The following TFAP2B variants were observed in gnomAD, a reference collection of about 807,000 sequenced individuals.
TFAP2B encodes the protein transcription factor AP-2 beta.
TFAP2B carries 9 observed loss-of-function variants against 44.3 expected under a neutral mutation model. That is an observed-to-expected ratio of 0.20 (90% CI 0.12 to 0.35). The LOEUF (loss-of-function observed/expected upper bound fraction) is 0.35, where lower values mean the gene tolerates loss of function less well. TFAP2B is among the 10% of genes least tolerant of loss of function. The pLI is 1.00. For missense variants in TFAP2B, 509 were observed against 600.0 expected (o/e 0.85, Z 1.59); for synonymous variants, 270 against 263.8 (o/e 1.02, Z -0.23).
At chr6:50,828,789 GT>G in intron 3 of TFAP2B, 110 bp downstream of exon 3, 2 of 1,310,026 alleles carry the variant, frequency 1.5e-6, no homozygotes, top group Non-Finnish European at 2.2e-6. Context: ...ATAAATGTTT[GT>G]TCACAATTAT....
chr6:50,819,119 G>A, intron 1 of TFAP2B, 147 bp downstream of exon 1: 1 of 767,406 alleles, frequency 1.3e-6, no homozygotes, highest in Non-Finnish European at 2.2e-6. Flanking sequence ...TAGAAAAGCT[G>A]GCTAGGGAAG....
chr6:50,829,566 C>T (rs912964514), intron 3 of TFAP2B, among the ~76,000 whole-genome samples: 5 of 152,136 alleles, frequency 3.3e-5, no homozygotes, highest in East Asian at 1.9e-4. Context: ...TGGCATTTGA[C>T]GATACAATTT....
chr6:50,835,912 C>T (rs1007992666), intron 3 of TFAP2B, 149 bp from the exon 4 acceptor site: 20 of 761,140 alleles, frequency 2.6e-5, no homozygotes, highest in Middle Eastern at 6.9e-4. Flanking sequence ...GCTCTCTGAA[C>T]GCACTGCAGC....
upstream of TFAP2B, chr6:50,818,792 GA>G (rs1341008357): frequency 9.5e-7 from 1 of 1,050,214 alleles, no homozygotes; most frequent in African/African-American, 1.6e-5. Flanking sequence ...TGCGATGGGA[GA>G]GGAGCGTCGG....
chr6:50,838,263 G>C (rs574416859), intron 5 of TFAP2B, among the ~76,000 whole-genome samples, 170 bp downstream of exon 5: 1 of 152,178 alleles, frequency 6.6e-6, no homozygotes, highest in Non-Finnish European at 1.5e-5. Context: ...TTTACTTAGA[G>C]GAAGCCAGCA....
Position 50,828,632 on chromosome 6 carries a change from C to A in TFAP2B, c.554C>A (p.Ala185Asp). Residue 185 changes from alanine to aspartate, a missense_variant, in exon 3 of 7, where the codon GCC becomes GAC. Physicochemically the swap from Ala to Asp is moderately radical, Grantham distance 126. This residue lies in a region of TFAP2B where 296 missense variants were observed against 308.2 expected (regional missense o/e 0.96). Transcript: ENST00000393655. Reference protein sequence around the residue: ...GMEDVQSVEDANNSGMNLLDQ... With the variant: ...GMEDVQSVEDDNNSGMNLLDQ... The stretch of plus-strand genomic sequence containing the variant: ...TTATATTCACAGTCAGTTGAAGATG[C>A]CAATAACAGCGGCATGAATCTATTG... 6.2e-7 allele frequency: 1 copy of A among 1,613,826 alleles called. No homozygotes were observed.
chr6:50,831,284 G>A (rs1028211583), intron 3 of TFAP2B, among the ~76,000 whole-genome samples: 1 of 152,200 alleles, frequency 6.6e-6, no homozygotes. Context: ...AAGGTAGCCA[G>A]CGTGATAAAT....
chr6:50,840,202 G>T lies in TFAP2B; in HGVS notation c.987G>T (p.Thr329=), dbSNP rs1173675189. 1 of 1,614,130 alleles carries T rather than the reference G, an allele frequency of 6.2e-7. No individual in the cohort carries two copies. Among genetic ancestry groups the T allele is most frequent in the South Asian group, 1.1e-5 (1 of 91,082 alleles). Residue 329 remains threonine (T), a synonymous_variant, in exon 6 of 7, where the codon ACG becomes ACT. Coordinates refer to ENST00000393655, the MANE Select transcript of TFAP2B (RefSeq NM_003221.4). ...LARDFGYICE[T]EFPAKAVSEY... ...GGGATTTTGGGTACATTTGCGAAAC[G>T]GAGTTTCCCGCCAAAGCCGTCTCTG...
At chr6:50,824,013 TG>T (rs1770435973) in intron 2 of TFAP2B, 148 bp downstream of exon 2, 3 of 881,522 alleles carry the variant, frequency 3.4e-6, no homozygotes, top group South Asian at 1.5e-5. Context: ...CATATAGAAC[TG>T]TTTATGTGTG....
chr6:50,842,561 G>A (rs1762753342), intron 6 of TFAP2B, among the ~76,000 whole-genome samples: 1 of 152,170 alleles, frequency 6.6e-6, no homozygotes, highest in Middle Eastern at 3.2e-3. Flanking sequence ...GCTTTGAATG[G>A]AATCAGCATT....
chr6:50,841,048 AT>A, intron 6 of TFAP2B, among the ~76,000 whole-genome samples: 1 of 152,364 alleles, frequency 6.6e-6, no homozygotes, highest in Admixed American at 6.5e-5. Flanking sequence ...TTAAAGAAAT[AT>A]ATGGAAGGCT....
At position 50,818,950 on chromosome 6, in the gene TFAP2B, T is replaced by A. The variant is rs140236023; in HGVS notation, c.59T>A (p.Val20Asp). 1.2e-6 allele frequency: 2 copies of A among 1,613,952 alleles called. No homozygotes were observed. The highest frequency in any genetic ancestry group is 1.7e-6 in the Non-Finnish European group (2 of 1,180,020). The change falls in exon 1 of 7, where the codon GTC becomes GAC. Residue 20 changes from valine to aspartate, a missense_variant. Coordinates refer to ENST00000393655, the MANE Select transcript of TFAP2B (RefSeq NM_003221.4). ...AIMLWKLVEN[V>D]KYEDIYEDRH... ...ATGCTCTGGAAGCTTGTGGAGAATG[T>A]CAAGTACGAAGATATCTATGAGGTG...
intron 3 of TFAP2B, 104 bp downstream of exon 3, chr6:50,828,783 A>G (rs1770595819): frequency 1.5e-6 from 2 of 1,340,348 alleles, no homozygotes; most frequent in Admixed American, 3.4e-5. Context: ...CAAGACATAA[A>G]TGTTTGTTCA....
At chr6:50,826,338 A>G (rs926897230) in intron 2 of TFAP2B, among the ~76,000 whole-genome samples, 10 of 152,190 alleles carry the variant, frequency 6.6e-5, no homozygotes, top group African/African-American at 2.2e-4. Flanking sequence ...TGCCCTGCCT[A>G]TGGGTCGAGG....
chr6:50,826,566 AGCGC>A (rs547861744), intron 2 of TFAP2B, among the ~76,000 whole-genome samples: 112 of 144,002 alleles, frequency 7.8e-4, no homozygotes, highest in Middle Eastern at 3.5e-3. Flanking sequence ...ATTGTGCATG[AGCGC>A]GCGCGCGCGC....
intron 6 of TFAP2B, among the ~76,000 whole-genome samples, chr6:50,842,251 A>G (rs1398749890): frequency 1.3e-5 from 2 of 152,236 alleles, no homozygotes; most frequent in African/African-American, 4.8e-5. Context: ...TCCAGCTCCT[A>G]TATTAAAATT....
intron 3 of TFAP2B, 141 bp downstream of exon 3, chr6:50,828,820 TA>T (rs1158462046): frequency 3.0e-6 from 3 of 984,156 alleles, no homozygotes; most frequent in Non-Finnish European, 4.7e-6. Flanking sequence ...GCTGTCAGAT[TA>T]GGGGAAAGGG....
intron 2 of TFAP2B, 104 bp downstream of exon 2, chr6:50,823,969 G>A: frequency 7.9e-7 from 1 of 1,263,342 alleles, no homozygotes. Flanking sequence ...TTTTTGGGGA[G>A]TTTGTTCCCA....
At chr6:50,840,022 T>A in intron 5 of TFAP2B, 134 bp from the exon 6 acceptor site, 1 of 1,158,574 alleles carries the variant, frequency 8.6e-7, no homozygotes, top group Non-Finnish European at 1.3e-6. Context: ...CCTTTAGGCA[T>A]CTCTCACCTT....
Sources: gnomAD v4.1 joint callset for allele counts (sites outside exome capture counted in the v4.1 genomes callset) on GRCh38, gnomAD v4.1.1 for gene constraint, gnomAD v4.1.1 regional missense constraint, MANE v1.5 for transcripts, NCBI Gene and HGNC (gene_info 2026-07-23, HGNC 2026-07-21) for gene names.